PRXL2A: variants seen among roughly 807,000 people sequenced by gnomAD.
PRXL2A encodes peroxiredoxin like 2A.
A neutral mutation model predicts 25.6 loss-of-function variants in PRXL2A; 26 were observed. The observed-to-expected ratio is 1.02, with a 90% confidence interval of 0.74 to 1.41. The LOEUF is 1.41. Ranked by LOEUF, PRXL2A falls within the 40% of genes most tolerant of loss-of-function variation. The probability of loss-of-function intolerance (pLI) is 0.00; values close to 1 mark genes in which losing one functional copy is unlikely to be tolerated. For missense variants in PRXL2A, 246 were observed against 273.9 expected (o/e 0.90, Z 0.72); for synonymous variants, 98 against 102.9 (o/e 0.95, Z 0.29).
At chr10:80,421,306 C>T (rs1009979877) in intron 2 of PRXL2A, among the ~76,000 whole-genome samples, 4 of 152,228 alleles carry the variant, frequency 2.6e-5, no homozygotes, top group African/African-American at 9.6e-5. Flanking sequence ...TAGAGCCACA[C>T]ACCCAAATGT....
intron 1 of PRXL2A, among the ~76,000 whole-genome samples, chr10:80,418,464 C>G (rs1844744794): frequency 1.3e-5 from 2 of 151,998 alleles, no homozygotes; most frequent in African/African-American, 4.8e-5. Flanking sequence ...CCCACCCCCA[C>G]CTCATGCAGT....
chr10:80,418,999 T>A (rs1441962073), intron 1 of PRXL2A, among the ~76,000 whole-genome samples: 1 of 152,172 alleles, frequency 6.6e-6, no homozygotes, highest in African/African-American at 2.4e-5. Flanking sequence ...TTCTTTCTTT[T>A]TTTTTGAGAC....
At chr10:80,413,441 G>T (rs1844541163) in intron 1 of PRXL2A, among the ~76,000 whole-genome samples, 1 of 152,206 alleles carries the variant, frequency 6.6e-6, no homozygotes, top group African/African-American at 2.4e-5. Flanking sequence ...CAGGCCTGGG[G>T]TGAGGAATGG....
At chr10:80,416,465 G>A (rs1025320126) in intron 1 of PRXL2A, among the ~76,000 whole-genome samples, 2 of 152,138 alleles carry the variant, frequency 1.3e-5, no homozygotes, top group Admixed American at 6.5e-5. Flanking sequence ...ACTGAGGAGG[G>A]GGTGAATCAA....
rs1313754842 is a variant in PRXL2A at position 80,427,468 on chromosome 10, G to T, written c.548G>T (p.Gly183Val). 6.2e-7 allele frequency: 1 copy of T among 1,614,050 alleles called. No homozygotes were observed. The highest frequency in any genetic ancestry group is 8.5e-7 in the Non-Finnish European group (1 of 1,180,024). The change falls in exon 5 of 6, where the codon GGA becomes GTA. Residue 183 changes from glycine to valine, a missense_variant. Gly to Val is a moderately radical substitution (Grantham distance 109). Transcript: ENST00000606162. ...NLEGEGFILG[G>V]VFVVGSGKQG... ...GAAGGAGAAGGCTTCATCCTTGGGG[G>T]AGTTTTCGTGGTGGGATCAGGAAAG...
At chr10:80,427,204 G>T in intron 4 of PRXL2A, 128 bp from the exon 5 acceptor site, 1 of 698,002 alleles carries the variant, frequency 1.4e-6, no homozygotes, top group East Asian at 2.6e-5. Flanking sequence ...TTGGGTGGGA[G>T]AGAAGACTGG....
Position 80,434,838 on chromosome 10 carries a change from T to C in PRXL2A, c.*2739T>C, listed in dbSNP as rs966785187. The C allele has an allele frequency of 6.6e-6, 1 of 152,054 alleles. No individual in the cohort carries two copies. Among genetic ancestry groups the C allele is most frequent in the Middle Eastern group, 3.2e-3 (1 of 316 alleles). The allele number at this position is 152,054 out of a possible 1,614,324, so 9.4% of individuals were successfully genotyped here. On this transcript the variant is annotated 3_prime_UTR_variant, in exon 6 of 6. Coordinates refer to ENST00000606162, the MANE Select transcript of PRXL2A (RefSeq NM_032333.5). Reference sequence around the variant, plus strand: ...CTCCCAGAAAAAGTGAGAAACACATTCCTGTGCAGCAGAAGATACATATAT... The same window carrying C: ...CTCCCAGAAAAAGTGAGAAACACATCCCTGTGCAGCAGAAGATACATATAT...
At chr10:80,426,344 C>A (rs1845042374) in intron 4 of PRXL2A, among the ~76,000 whole-genome samples, 2 of 152,216 alleles carry the variant, frequency 1.3e-5, no homozygotes, top group African/African-American at 2.4e-5. Context: ...CAATAGACTA[C>A]ATAAGTTATT....
chr10:80,420,629 G>C lies in PRXL2A; in HGVS notation c.162G>C (p.Leu54=), dbSNP rs1436183570. The change falls in exon 2 of 6, where the codon CTG becomes CTC. Residue 54 remains leucine (L), a synonymous_variant. Transcript: ENST00000606162. ...TGGAGTACCTGGAGGATATAGACCT[G>C]AAAACACTGGAGAAGGGTAAGTGGT... The part of the protein sequence containing the change: ...AALEYLEDID[L]KTLEKEPRTF... 6.2e-7 allele frequency: 1 copy of C among 1,608,380 alleles called. No individual in the cohort carries two copies. Among genetic ancestry groups the C allele is most frequent in the Admixed American group, 1.7e-5 (1 of 59,618 alleles).
rs1845286584 is a variant in PRXL2A, at chr10:80,432,196, C to A, written c.*97C>A. 2.9e-6 allele frequency: 2 copies of A among 699,438 alleles called. No individual in the cohort carries two copies. Among genetic ancestry groups the A allele is most frequent in the Non-Finnish European group, 4.9e-6 (2 of 404,868 alleles). The allele number at this position is 699,438 out of a possible 1,614,324, so 43.3% of individuals were successfully genotyped here. A position where few individuals can be genotyped will look rare whatever the true frequency, so the allele number is the denominator to read the frequency against. The stretch of plus-strand genomic sequence containing the variant: ...TCGTGTCCCTAAGGAGTGAGAAACC[C>A]ATTTATACTCTACTCTCAGTATGGA... On this transcript the variant is annotated 3_prime_UTR_variant, in exon 6 of 6. Coordinates refer to ENST00000606162, the MANE Select transcript of PRXL2A (RefSeq NM_032333.5).
intron 1 of PRXL2A, among the ~76,000 whole-genome samples, chr10:80,414,838 C>G (rs1256497346): frequency 6.6e-6 from 1 of 152,186 alleles, no homozygotes; most frequent in Non-Finnish European, 1.5e-5. Flanking sequence ...TGCAGAGGTA[C>G]GAAGGATTGC....
intron 5 of PRXL2A, among the ~76,000 whole-genome samples, chr10:80,428,001 T>C (rs992774726): frequency 2.4e-4 from 37 of 151,818 alleles, no homozygotes; most frequent in Non-Finnish European, 8.8e-5. Context: ...GGATGGATGA[T>C]AGAAAAAAAA....
chr10:80,416,950 C>T (rs923827106), intron 1 of PRXL2A, among the ~76,000 whole-genome samples: 3 of 152,172 alleles, frequency 2.0e-5, no homozygotes, highest in African/African-American at 4.8e-5. Context: ...TGTACCCAAG[C>T]GAGTTAGTGA....
At chr10:80,427,558 A>G in intron 5 of PRXL2A, 62 bp downstream of exon 5, 2 of 1,548,184 alleles carry the variant, frequency 1.3e-6, no homozygotes, top group Non-Finnish European at 1.8e-6. Context: ...TGAGACTCCA[A>G]CCAGAAGCTG....
Position 80,432,146 on chromosome 10 carries a change from T to G in PRXL2A, c.*47T>G. ...AGGGATAACCAGGGACATTCACCTG[T>G]GTTCATGGGATGTATTGTTTCCACT... On this transcript the variant is annotated 3_prime_UTR_variant, in exon 6 of 6. Coordinates refer to ENST00000606162, the MANE Select transcript of PRXL2A (RefSeq NM_032333.5). The G allele has an allele frequency of 8.7e-7, 1 of 1,143,286 alleles. No homozygotes were observed. Among genetic ancestry groups the G allele is most frequent in the Non-Finnish European group, 1.3e-6 (1 of 767,544 alleles). The allele number at this position is 1,143,286 out of a possible 1,614,324, so 70.8% of individuals were successfully genotyped here.
intron 1 of PRXL2A, 75 bp from the exon 2 acceptor site, chr10:80,420,391 A>G: frequency 7.3e-6 from 11 of 1,509,152 alleles, no homozygotes; most frequent in Non-Finnish European, 9.8e-6. Context: ...GTCCTGCCAG[A>G]GCCTTGCCTG....
chr10:80,413,772 C>G, intron 1 of PRXL2A: 5 of 982,740 alleles, frequency 5.1e-6, no homozygotes, highest in Non-Finnish European at 6.2e-6. Context: ...GCCTAGGGAC[C>G]TAGTCCCGCC....
rs562614050 is a variant in PRXL2A, at chr10:80,425,559, G to C, written c.271-307G>C. 1.7e-3 allele frequency among the ~76,000 whole-genome samples: 254 copies of C among 152,326 alleles called. 2 individuals are homozygous for C. The highest frequency in any genetic ancestry group is 6.0e-3 in the African/African-American group (250 of 41,572). ...GGATACCTTTCCAGAGGGTAGGGTT[G>C]AGCTGAAGAGAGAAGGAAGGTTATG... On this transcript the variant is annotated intron_variant, in intron 3 of 5. Coordinates refer to ENST00000606162, the MANE Select transcript of PRXL2A (RefSeq NM_032333.5).
intron 5 of PRXL2A, among the ~76,000 whole-genome samples, chr10:80,429,146 A>AGGCATG (rs56897254): frequency 0.42 from 63,865 of 151,864 alleles, 17,204 homozygotes; most frequent in African/African-American, 0.77. Flanking sequence ...CTGGGATTAC[A>AGGCATG]AGCTCACGCC....
Sources: gnomAD v4.1 joint callset for allele counts (sites outside exome capture counted in the v4.1 genomes callset) on GRCh38, gnomAD v4.1.1 for gene constraint, MANE v1.5 for transcripts, NCBI Gene and HGNC (gene_info 2026-07-23, HGNC 2026-07-21) for gene names.